The following MAML1 variants were observed in gnomAD, a reference collection of about 807,000 sequenced individuals.
MAML1 encodes the protein mastermind like transcriptional coactivator 1.
A neutral mutation model predicts 77.1 loss-of-function variants in MAML1; 14 were observed. The ratio of observed to expected loss-of-function variants is 0.18; its 90% CI spans 0.12 to 0.28. The LOEUF (loss-of-function observed/expected upper bound fraction) is 0.28, where lower values mean the gene tolerates loss of function less well. MAML1 is among the 10% of genes least tolerant of loss of function. The probability of loss-of-function intolerance (pLI) is 1.00; values close to 1 mark genes in which losing one functional copy is unlikely to be tolerated. For synonymous variants in MAML1, 516 were observed against 551.9 expected, an observed-to-expected ratio of 0.93 and a Z score of 0.91; for missense variants, 1,217 against 1,327.8, an observed-to-expected ratio of 0.92 and a Z score of 1.30.
At position 179,769,140 on chromosome 5, in the gene MAML1, C is replaced by G. The variant is rs750649902; in HGVS notation, c.1971+51C>G. ...ACCGCTTCCCACCTTTGCCTGCACC[C>G]TGCGTCACTGCTACAGTCACACCTT... On this transcript the variant is annotated intron_variant, in intron 3 of 4. Coordinates refer to ENST00000292599, the MANE Select transcript of MAML1 (RefSeq NM_014757.5). The surrounding 1 kb of genome is among the most constrained non-coding windows in gnomAD (Gnocchi z 4.2). 3 of 1,602,682 alleles carry G rather than the reference C, an allele frequency of 1.9e-6. No individual in the cohort carries two copies. The South Asian group carries it at 3.4e-5, about 18-fold the overall frequency.
At chr5:179,764,669 A>AG (rs1448676579) in intron 1 of MAML1, among the ~76,000 whole-genome samples, 1 of 151,734 alleles carries the variant, frequency 6.6e-6, no homozygotes, top group Admixed American at 6.6e-5. Context: ...TCAAAAAAAA[A>AG]AAAAGTGAGG....
Position 179,766,000 on chromosome 5 carries a change from C to T in MAML1, c.990C>T (p.Ser330=), listed in dbSNP as rs1176383333. ...CAGGGCAGACCTTTCTGGGGCCTTC[C>T]TCTGCCCCTGTGAGTACAGATTCCC... ...GSAGQTFLGP[S]SAPVSTDSPS... Residue 330 remains serine (S), a synonymous_variant, in exon 2 of 5, where the codon TCC becomes TCT. Coordinates refer to ENST00000292599, the MANE Select transcript of MAML1 (RefSeq NM_014757.5). The T allele has an allele frequency of 2.5e-6, 4 of 1,608,154 alleles. No individual in the cohort carries two copies. Among genetic ancestry groups the T allele is most frequent in the African/African-American group, 2.7e-5 (2 of 74,532 alleles).
Position 179,776,013 on chromosome 5 carries a change from G to A in MAML1, c.*1136G>A, listed in dbSNP as rs559730997. ...TGTCAGATGACTTGCACTTCTTAAA[G>A]AGATTGCTTTATAACACTAAGACAT... On this transcript the variant is annotated 3_prime_UTR_variant, in exon 5 of 5. Transcript: ENST00000292599. 2 of 985,814 alleles carry A rather than the reference G, an allele frequency of 2.0e-6. No individual in the cohort carries two copies. Among genetic ancestry groups the A allele is most frequent in the East Asian group, 2.3e-4 (2 of 8,818 alleles). 61.1% of individuals were successfully genotyped at this position (985,814 alleles called of 1,614,324 possible).
At chr5:179,753,396 T>A (rs1164738882) in intron 1 of MAML1, among the ~76,000 whole-genome samples, 1 of 152,162 alleles carries the variant, frequency 6.6e-6, no homozygotes, top group Non-Finnish European at 1.5e-5. Context: ...ATATTTCAAA[T>A]TTTTCTCCTT....
At chr5:179,752,596 C>T (rs1779515905) in intron 1 of MAML1, among the ~76,000 whole-genome samples, 1 of 121,942 alleles carries the variant, frequency 8.2e-6, no homozygotes, top group Non-Finnish European at 1.7e-5. Flanking sequence ...TTATTAGATA[C>T]TCTTTTTTTT....
Position 179,732,862 on chromosome 5 carries a change from T to G in MAML1, c.-251T>G, listed in dbSNP as rs568902492. ...AATTTTAAGATGGCGGCCGCGGCGG[T>G]AGCGCGGAAAACAATGGGGCCGGGG... is the stretch of plus-strand genomic sequence containing the variant. On this transcript the variant is annotated 5_prime_UTR_variant, in exon 1 of 5. Transcript: ENST00000292599. 1.2e-5 allele frequency: 3 copies of G among 245,720 alleles called. No individual in the cohort carries two copies. Among genetic ancestry groups the G allele is most frequent in the East Asian group, 1.6e-4 (2 of 12,354 alleles). The allele number at this position is 245,720 out of a possible 1,614,324, so 15.2% of individuals were successfully genotyped here.
intron 1 of MAML1, among the ~76,000 whole-genome samples, chr5:179,741,878 T>C (rs929412383): frequency 1.3e-5 from 2 of 151,824 alleles, no homozygotes; most frequent in African/African-American, 4.8e-5. Flanking sequence ...TAAACAAATG[T>C]ATTTTATTTT....
At position 179,775,586 on chromosome 5, in the gene MAML1, T is replaced by A. The variant is rs1756119971; in HGVS notation, c.*709T>A. 2 of 985,320 alleles carry A rather than the reference T, an allele frequency of 2.0e-6. No individual in the cohort carries two copies. Among genetic ancestry groups the A allele is most frequent in the African/African-American group, 1.7e-5 (1 of 57,324 alleles). 61.0% of individuals were successfully genotyped at this position (985,320 alleles called of 1,614,324 possible). A position where few individuals can be genotyped will look rare whatever the true frequency, so the allele number is the denominator to read the frequency against. ...ACACAGCTAGGGTCTTCCTAGCAGC[T>A]CCTCCTCCTCCCTCCCAAGGCCCCC... On this transcript the variant is annotated 3_prime_UTR_variant, in exon 5 of 5. Transcript: ENST00000292599.
At position 179,771,330 on chromosome 5, in the gene MAML1, CT is replaced by C; in HGVS notation, c.2068+89del. ...CCCTGCTGTCTGCCCAGCTCTATGC[CT>C]TGACTTCATCAGGCTGCATGCATTG... On this transcript the variant is annotated intron_variant, in intron 4 of 4. Coordinates refer to ENST00000292599, the MANE Select transcript of MAML1 (RefSeq NM_014757.5). The surrounding 1 kb of genome is among the most constrained non-coding windows in gnomAD (Gnocchi z 4.7). 8.5e-7 allele frequency: 1 copy of C among 1,170,410 alleles called. No individual in the cohort carries two copies. The highest frequency in any genetic ancestry group is 1.8e-5 in the Admixed American group (1 of 56,410). 72.5% of individuals were successfully genotyped at this position (1,170,410 alleles called of 1,614,324 possible).
intron 1 of MAML1, among the ~76,000 whole-genome samples, chr5:179,741,014 A>C (rs540916687): frequency 1.1e-4 from 17 of 152,098 alleles, no homozygotes; most frequent in Admixed American, 3.9e-4. Flanking sequence ...CAGATTTCAA[A>C]TCCACATTTC....
chr5:179,757,176 C>T (rs1779637009), intron 1 of MAML1, among the ~76,000 whole-genome samples: 1 of 152,106 alleles, frequency 6.6e-6, no homozygotes, highest in Non-Finnish European at 1.5e-5. Flanking sequence ...ACAGCCTGTA[C>T]AGAGCAGTGT....
At chr5:179,768,815 T>A in intron 2 of MAML1, 35 bp from the exon 3 acceptor site, 1 of 1,611,830 alleles carries the variant, frequency 6.2e-7, no homozygotes, top group Non-Finnish European at 8.5e-7. Flanking sequence ...TGATCAGAGC[T>A]TAGAGACTTC....
chr5:179,740,054 T>C (rs1779251883), intron 1 of MAML1, among the ~76,000 whole-genome samples: 1 of 152,234 alleles, frequency 6.6e-6, no homozygotes, highest in Admixed American at 6.5e-5. Flanking sequence ...CAGTCGTAGC[T>C]TAAGATGCCT....
At chr5:179,770,723 G>A (rs1443004051) in intron 3 of MAML1, among the ~76,000 whole-genome samples, 1 of 152,132 alleles carries the variant, frequency 6.6e-6, no homozygotes, top group African/African-American at 2.4e-5. Context: ...TGGATCACAT[G>A]GTAATTTTTA....
chr5:179,749,377 C>T (rs569301493), intron 1 of MAML1, among the ~76,000 whole-genome samples: 110 of 152,256 alleles, frequency 7.2e-4, no homozygotes, highest in African/African-American at 1.9e-3. Context: ...CCGCTTGCCT[C>T]GGCCTCCCAA....
chr5:179,734,097 T>C (rs1023295194), intron 1 of MAML1, among the ~76,000 whole-genome samples: 2 of 152,238 alleles, frequency 1.3e-5, no homozygotes, highest in Non-Finnish European at 2.9e-5. Flanking sequence ...GTTGGTCAAT[T>C]ATTACTCCCT....
intron 1 of MAML1, among the ~76,000 whole-genome samples, chr5:179,745,930 A>C (rs1358619410): frequency 6.8e-6 from 1 of 147,210 alleles, no homozygotes; most frequent in African/African-American, 2.5e-5. Context: ...GCTACTCGGG[A>C]GGCTGAGGCA....
intron 1 of MAML1, among the ~76,000 whole-genome samples, chr5:179,743,798 T>A (rs1346731842): frequency 1.3e-5 from 2 of 152,192 alleles, no homozygotes; most frequent in African/African-American, 4.8e-5. Flanking sequence ...TTAAATTAAA[T>A]ATATGAAATA....
rs1779812230 is a variant in MAML1 at position 179,766,083 on chromosome 5, A to G, written c.1073A>G (p.Asn358Ser). Reference protein sequence around the residue: ...FHTSGQPRADNPSPNLMPASA... With the variant: ...FHTSGQPRADSPSPNLMPASA... Reference sequence around the variant, plus strand: ...ACCTCTGGTCAGCCCCGGGCGGACAATCCCAGTCCAAACCTGATGCCGGCA... The same window carrying G: ...ACCTCTGGTCAGCCCCGGGCGGACAGTCCCAGTCCAAACCTGATGCCGGCA... Residue 358 changes from asparagine (N) to serine (S), a missense_variant, in exon 2 of 5, where the codon AAT (asparagine) becomes AGT (serine). Around this residue, in one of 3 missense-constraint regions of MAML1, gnomAD observed 884 missense variants for 949.3 expected, o/e 0.93. Transcript: ENST00000292599. This position sits in a 1 kb window ranked among gnomAD's most constrained non-coding sequence, Gnocchi z 4.0. The G allele has an allele frequency of 1.3e-6, 2 of 1,583,112 alleles. No homozygotes were observed. Among genetic ancestry groups the G allele is most frequent in the South Asian group, 1.2e-5 (1 of 86,170 alleles).
Sources: allele counts gnomAD v4.1 joint callset (sites outside exome capture counted in the v4.1 genomes callset), GRCh38; gene constraint gnomAD v4.1.1; regional missense constraint gnomAD v4.1.1; non-coding constraint Gnocchi (gnomAD v3.1); transcripts MANE v1.5; gene names NCBI Gene and HGNC (gene_info 2026-07-23, HGNC 2026-07-21).